Variants in DDHD1 observed in about 807,000 individuals in gnomAD.
DDHD1 encodes the protein phospholipase DDHD1.
DDHD1 carries 49 observed loss-of-function variants against 96.4 expected under a neutral mutation model. The ratio of observed to expected loss-of-function variants is 0.51; its 90% CI spans 0.40 to 0.64. The LOEUF (loss-of-function observed/expected upper bound fraction) is 0.64. DDHD1 is among the 30% of genes least tolerant of loss of function. The probability of loss-of-function intolerance (pLI) is 0.00; values close to 1 mark genes in which losing one functional copy is unlikely to be tolerated. For synonymous variants in DDHD1, 442 were observed against 446.5 expected, an observed-to-expected ratio of 0.99 and a Z score of 0.13; for missense variants, 1,106 against 1,161.2, an observed-to-expected ratio of 0.95 and a Z score of 0.69.
At chr14:53,059,787 C>T (rs1445634168) in intron 8 of DDHD1, among the ~76,000 whole-genome samples, 1 of 135,856 alleles carries the variant, frequency 7.4e-6, no homozygotes, top group Non-Finnish European at 1.5e-5. Flanking sequence ...TCACTTGAAT[C>T]GGAGGGGCGG....
rs1404302619 is a variant in DDHD1 at position 53,043,153 on chromosome 14, A to C, written c.*3615T>G. 6.6e-6 allele frequency: 1 copy of C among 152,108 alleles called. No individual in the cohort carries two copies. The highest frequency in any genetic ancestry group is 1.5e-5 in the Non-Finnish European group (1 of 68,008). 9.4% of individuals were successfully genotyped at this position (152,108 alleles called of 1,614,324 possible). A position where few individuals can be genotyped will look rare whatever the true frequency, so the allele number is the denominator to read the frequency against. On this transcript the variant is annotated 3_prime_UTR_variant, in exon 13 of 13. Coordinates refer to ENST00000673822, the MANE Select transcript of DDHD1 (RefSeq NM_001160148.2). Reference sequence around the variant, plus strand: ...TACTGTCTAGGTGATGCAAAGCTGGAATATGGTGTGTTAAATTTTCTGCAG... The same window carrying C: ...TACTGTCTAGGTGATGCAAAGCTGGCATATGGTGTGTTAAATTTTCTGCAG...
At chr14:53,114,531 AGAGG>A (rs1200783487) in intron 1 of DDHD1, among the ~76,000 whole-genome samples, 5 of 152,246 alleles carry the variant, frequency 3.3e-5, no homozygotes, top group Admixed American at 6.5e-5. Context: ...CAAAGCTTCC[AGAGG>A]AAGGAGCAGG....
chr14:53,123,995 G>T (rs1035696405), intron 1 of DDHD1, among the ~76,000 whole-genome samples: 3 of 152,066 alleles, frequency 2.0e-5, no homozygotes, highest in African/African-American at 7.3e-5. Context: ...ACTTTAGGAG[G>T]CCAAGGCGGG....
chr14:53,048,892 G>C (rs1179750221), intron 12 of DDHD1: 2 of 152,086 alleles, frequency 1.3e-5, no homozygotes, highest in African/African-American at 2.4e-5. Flanking sequence ...AAAAACAGTT[G>C]GAAAATGTGT....
chr14:53,098,971 A>T (rs1887100805), intron 2 of DDHD1, among the ~76,000 whole-genome samples: 1 of 152,022 alleles, frequency 6.6e-6, no homozygotes, highest in Non-Finnish European at 1.5e-5. Context: ...TATATATACA[A>T]ATATATTTAT....
chr14:53,112,080 A>G (rs534518486), intron 1 of DDHD1, among the ~76,000 whole-genome samples: 1 of 152,248 alleles, frequency 6.6e-6, no homozygotes, highest in African/African-American at 2.4e-5. Flanking sequence ...TCTACTGTCA[A>G]CTTTGTCTAC....
chr14:53,122,448 C>CA (rs1235961046), intron 1 of DDHD1, among the ~76,000 whole-genome samples: 1 of 152,196 alleles, frequency 6.6e-6, no homozygotes, highest in East Asian at 1.9e-4. Flanking sequence ...GTCTGAATCT[C>CA]AACCTTGAGA....
At chr14:53,073,925 T>C in intron 4 of DDHD1, 78 bp from the exon 5 acceptor site, 3 of 1,314,392 alleles carry the variant, frequency 2.3e-6, no homozygotes, top group Non-Finnish European at 3.2e-6. Context: ...TGAGATAAAA[T>C]GTGTTTAATC....
intron 1 of DDHD1, among the ~76,000 whole-genome samples, chr14:53,122,547 T>C (rs1262397906): frequency 1.3e-5 from 2 of 151,788 alleles, no homozygotes; most frequent in Non-Finnish European, 2.9e-5. Flanking sequence ...TTTACACACT[T>C]CTCTTTGCTC....
intron 4 of DDHD1, among the ~76,000 whole-genome samples, chr14:53,089,096 T>C (rs991307565): frequency 1.3e-5 from 2 of 152,040 alleles, no homozygotes; most frequent in African/African-American, 4.8e-5. Flanking sequence ...TACCTAGGAA[T>C]CCAACTTACA....
chr14:53,076,608 TGG>T (rs2139930549), intron 4 of DDHD1, among the ~76,000 whole-genome samples: 1 of 152,214 alleles, frequency 6.6e-6, no homozygotes, highest in Non-Finnish European at 1.5e-5. Flanking sequence ...AGTTCTACAG[TGG>T]GTAAAACGCT....
At chr14:53,049,657 C>CAAAAAAAAAAA (rs11323291) in intron 12 of DDHD1, among the ~76,000 whole-genome samples, 4 of 84,720 alleles carry the variant, frequency 4.7e-5, no homozygotes, top group African/African-American at 8.9e-5. Flanking sequence ...TGAGCTAGGT[C>CAAAAAAAAAAA]AAAAAAAAAA....
chr14:53,061,008 A>G (rs529508998), intron 8 of DDHD1, 118 bp downstream of exon 8: 75 of 956,318 alleles, frequency 7.8e-5, no homozygotes, highest in Non-Finnish European at 1.0e-4. Flanking sequence ...GTATATGTTG[A>G]ATAAATATTT....
At chr14:53,085,995 G>A (rs1044926332) in intron 4 of DDHD1, among the ~76,000 whole-genome samples, 1 of 152,166 alleles carries the variant, frequency 6.6e-6, no homozygotes, top group Non-Finnish European at 1.5e-5. Flanking sequence ...CGAGAACTAC[G>A]TGACACATGC....
chr14:53,097,624 T>C (rs988800490), intron 2 of DDHD1, among the ~76,000 whole-genome samples: 21 of 152,022 alleles, frequency 1.4e-4, no homozygotes. Context: ...ACTTTACTGC[T>C]TGAAACAAAA....
intron 1 of DDHD1, among the ~76,000 whole-genome samples, chr14:53,145,301 C>T (rs1190206172): frequency 1.3e-5 from 2 of 151,844 alleles, no homozygotes; most frequent in African/African-American, 4.8e-5. Flanking sequence ...GAGTTTGAGA[C>T]CACCCTGGGC....
At position 53,153,012 on chromosome 14, in the gene DDHD1, G is replaced by T. The variant is rs1417626495; in HGVS notation, c.87C>A (p.Asp29Glu). Reference sequence around the variant, plus strand: ...CGCCGCCGCCGAACGCTGGCCTCGCGTCTGAGCCCAGCTCCCAGGCGCCGC... The same window carrying T: ...CGCCGCCGCCGAACGCTGGCCTCGCTTCTGAGCCCAGCTCCCAGGCGCCGC... ...GGGGAWELGS[D>E]ARPAFGGGVC... Residue 29 changes from aspartate (D) to glutamate (E), a missense_variant, in exon 1 of 13, where the codon GAC becomes GAA. Physicochemically the swap from Asp to Glu is conservative, Grantham distance 45. This residue lies in a region of DDHD1 where 456 missense variants were observed against 402.4 expected (regional missense o/e 1.13). Transcript: ENST00000673822. 1.3e-6 allele frequency: 2 copies of T among 1,529,598 alleles called. No individual in the cohort carries two copies. Among genetic ancestry groups the T allele is most frequent in the Admixed American group, 2.1e-5 (1 of 48,188 alleles). The allele number at this position is 1,529,598 out of a possible 1,614,324, so 94.8% of individuals were successfully genotyped here.
intron 4 of DDHD1, among the ~76,000 whole-genome samples, chr14:53,084,945 C>A (rs1318091435): frequency 6.6e-6 from 1 of 152,234 alleles, no homozygotes; most frequent in Non-Finnish European, 1.5e-5. Context: ...TTCCAATGGT[C>A]TGAGCAAATG....
Position 53,054,639 on chromosome 14 carries a change from A to G in DDHD1, c.2246-10T>C, listed in dbSNP as rs1254704216. 1 of 1,612,526 alleles carries G rather than the reference A, an allele frequency of 6.2e-7. No individual in the cohort carries two copies. The highest frequency in any genetic ancestry group is 8.5e-7 in the Non-Finnish European group (1 of 1,178,806). On this transcript the variant is annotated splice_polypyrimidine_tract_variant and intron_variant, in intron 10 of 12. Transcript: ENST00000673822. ...CCAATGCTAGCAGCCCCTGTATTTCACAAAGCAGGGTAGTCATTCTGTTGA... is the reference window on the plus strand; with the variant it reads ...CCAATGCTAGCAGCCCCTGTATTTCGCAAAGCAGGGTAGTCATTCTGTTGA...
Sources: gnomAD v4.1 joint callset for allele counts (sites outside exome capture counted in the v4.1 genomes callset) on GRCh38, gnomAD v4.1.1 for gene constraint, gnomAD v4.1.1 regional missense constraint, MANE v1.5 for transcripts, NCBI Gene and HGNC (gene_info 2026-07-23, HGNC 2026-07-21) for gene names.